Variants in FHIP1A observed in about 807,000 individuals in gnomAD.
FHIP1A encodes FHF complex subunit HOOK-interacting protein 1A.
In FHIP1A, 61 loss-of-function variants were observed where a neutral mutation model predicts 88.6. The observed-to-expected ratio is 0.69, with a 90% CI of 0.56 to 0.85. The LOEUF (loss-of-function observed/expected upper bound fraction) is 0.85, where lower values mean the gene tolerates loss of function less well. FHIP1A is among the 40% of genes least tolerant of loss of function. The pLI is 0.00. For synonymous variants in FHIP1A, 478 were observed against 496.0 expected (o/e 0.96, Z 0.48); for missense variants, 1,154 against 1,273.5 (o/e 0.91, Z 1.43).
intron 1 of FHIP1A, among the ~76,000 whole-genome samples, chr4:151,436,718 G>A (rs1374271187): frequency 6.6e-6 from 1 of 152,100 alleles, no homozygotes; most frequent in Non-Finnish European, 1.5e-5. Flanking sequence ...AATCTAAATG[G>A]TGTAAGAAAT....
chr4:151,603,190 G>A (rs557478623), intron 7 of FHIP1A, among the ~76,000 whole-genome samples: 25 of 152,160 alleles, frequency 1.6e-4, no homozygotes, highest in African/African-American at 5.5e-4. Flanking sequence ...GCATGTGCCT[G>A]TAGTCCCAGC....
chr4:151,442,985 G>A (rs1580570030), intron 1 of FHIP1A, among the ~76,000 whole-genome samples: 1 of 152,044 alleles, frequency 6.6e-6, no homozygotes, highest in Non-Finnish European at 1.5e-5. Flanking sequence ...CTGGGTGTGG[G>A]GTGCAGTGCA....
intron 7 of FHIP1A, among the ~76,000 whole-genome samples, chr4:151,611,085 ATG>A (rs780742184): frequency 2.0e-5 from 3 of 151,222 alleles, no homozygotes; most frequent in Non-Finnish European, 3.0e-5. Flanking sequence ...GTGTGTATGT[ATG>A]TGTGTGTGTG....
At chr4:151,642,603 A>G (rs188851131) in intron 9 of FHIP1A, among the ~76,000 whole-genome samples, 13 of 152,280 alleles carry the variant, frequency 8.5e-5, no homozygotes, top group Admixed American at 5.9e-4. Flanking sequence ...ATGTTTGTCT[A>G]TTGGTGCATT....
chr4:151,601,582 G>A (rs747753181), intron 7 of FHIP1A, among the ~76,000 whole-genome samples: 2 of 149,638 alleles, frequency 1.3e-5, no homozygotes, highest in Non-Finnish European at 1.5e-5. Flanking sequence ...GTGACGGGTA[G>A]AAATGCTAAC....
intron 1 of FHIP1A, among the ~76,000 whole-genome samples, chr4:151,418,494 G>C (rs1304807627): frequency 6.6e-6 from 1 of 152,064 alleles, no homozygotes; most frequent in African/African-American, 2.4e-5. Flanking sequence ...TCTTAGGATT[G>C]GTTTCACAGA....
At chr4:151,629,392 T>G (rs1238246258) in intron 7 of FHIP1A, among the ~76,000 whole-genome samples, 1 of 152,272 alleles carries the variant, frequency 6.6e-6, no homozygotes, top group East Asian at 1.9e-4. Flanking sequence ...ATCTTTTTTC[T>G]TCATTTTTGA....
chr4:151,528,857 A>G (rs1336505586), intron 3 of FHIP1A, among the ~76,000 whole-genome samples: 1 of 152,126 alleles, frequency 6.6e-6, no homozygotes, highest in Non-Finnish European at 1.5e-5. Flanking sequence ...GAGGCTACAA[A>G]TTGTGGCAAA....
At chr4:151,505,593 G>A (rs150664342) in intron 3 of FHIP1A, among the ~76,000 whole-genome samples, 155 of 152,242 alleles carry the variant, frequency 1.0e-3, no homozygotes, top group African/African-American at 3.4e-3. Context: ...ATTCTTGATC[G>A]GTAATTTTGA....
chr4:151,653,629 A>G (rs1737116696), intron 11 of FHIP1A, among the ~76,000 whole-genome samples: 1 of 152,198 alleles, frequency 6.6e-6, no homozygotes, highest in Admixed American at 6.5e-5. Context: ...GTTTTCAGTA[A>G]TAATTAAATC....
intron 3 of FHIP1A, among the ~76,000 whole-genome samples, chr4:151,528,672 A>T (rs1044075157): frequency 3.3e-5 from 5 of 152,082 alleles, no homozygotes; most frequent in African/African-American, 1.2e-4. Flanking sequence ...GAGCAGAGGG[A>T]AACTTTGCTT....
intron 9 of FHIP1A, among the ~76,000 whole-genome samples, chr4:151,640,860 G>A (rs535616473): frequency 6.6e-6 from 1 of 152,264 alleles, no homozygotes; most frequent in Non-Finnish European, 1.5e-5. Context: ...TGTTACAAAA[G>A]TGTCCGCAGA....
chr4:151,543,624 G>T (rs932257521), intron 3 of FHIP1A, among the ~76,000 whole-genome samples: 1 of 152,022 alleles, frequency 6.6e-6, no homozygotes, highest in Admixed American at 6.5e-5. Context: ...GGCATTATAC[G>T]TACACACATT....
intron 8 of FHIP1A, among the ~76,000 whole-genome samples, chr4:151,634,748 T>G (rs578035838): frequency 2.0e-5 from 3 of 151,736 alleles, no homozygotes; most frequent in Non-Finnish European, 4.4e-5. Context: ...ATAAAAAAAT[T>G]AACTCAAAAT....
chr4:151,524,336 A>T (rs974594108), intron 3 of FHIP1A, among the ~76,000 whole-genome samples: 2 of 152,024 alleles, frequency 1.3e-5, no homozygotes. Flanking sequence ...TTAATCTTTC[A>T]TGTGTCCTTG....
intron 4 of FHIP1A, among the ~76,000 whole-genome samples, chr4:151,569,244 T>C (rs770244600): frequency 7.9e-5 from 12 of 152,188 alleles, no homozygotes; most frequent in Non-Finnish European, 1.5e-4. Flanking sequence ...GTAATGCTTT[T>C]TTAAATGTTA....
intron 3 of FHIP1A, among the ~76,000 whole-genome samples, chr4:151,503,621 TAAAA>T (rs989482299): frequency 1.3e-5 from 2 of 151,680 alleles, no homozygotes; most frequent in African/African-American, 2.4e-5. Flanking sequence ...AGAAAAAAAT[TAAAA>T]AAAACCCAAC....
chr4:151,458,000 A>T (rs2126593890), intron 2 of FHIP1A, among the ~76,000 whole-genome samples: 1 of 152,350 alleles, frequency 6.6e-6, no homozygotes, highest in South Asian at 2.1e-4. Flanking sequence ...ATGTAATGAT[A>T]ATGATTGTAA....
intron 3 of FHIP1A, among the ~76,000 whole-genome samples, chr4:151,492,638 C>T (rs1039924756): frequency 4.0e-5 from 6 of 151,442 alleles, no homozygotes; most frequent in Non-Finnish European, 5.9e-5. Flanking sequence ...GTACTCCTCT[C>T]TCAGACCACA....
Sources: allele counts gnomAD v4.1 joint callset (sites outside exome capture counted in the v4.1 genomes callset), GRCh38; gene constraint gnomAD v4.1.1; transcripts MANE v1.5; gene names NCBI Gene and HGNC (gene_info 2026-07-23, HGNC 2026-07-21).